The following LMO7 variants were observed in gnomAD, a reference collection of about 807,000 sequenced individuals.
The protein encoded by LMO7 is LIM domain only protein 7.
Under a neutral mutation model 206.5 loss-of-function variants are expected in LMO7, and 120 were observed. The ratio of observed to expected loss-of-function variants is 0.58; its 90% CI spans 0.50 to 0.68. The LOEUF (loss-of-function observed/expected upper bound fraction) is 0.68, where lower values mean the gene tolerates loss of function less well. LMO7 is among the 30% of genes least tolerant of loss of function. The pLI is 0.00. For missense variants in LMO7, 1,959 were observed against 1,957.9 expected (o/e 1.00, Z -0.01); for synonymous variants, 706 against 681.5 (o/e 1.04, Z -0.56).
At position 75,849,177 on chromosome 13, in the gene LMO7, C is replaced by T; in HGVS notation, c.4249C>T (p.Gln1417Ter). The change falls in exon 27 of 31, where the codon CAA (glutamine) becomes TAA (stop). Residue 1417 changes from glutamine to a stop codon, truncating the protein, a stop_gained. Transcript: ENST00000377534. LOFTEE classifies it high-confidence loss of function. Reference protein sequence around the residue: ...VPSGAELERQQILQEMRKRTP... With the variant: ...VPSGAELERQ ...ATCAGGAGCAGAATTGGAGAGGCAA[C>T]AAATCCTTCAGGAAATGAGGAAGAG... is the stretch of plus-strand genomic sequence containing the variant. 2 of 1,613,936 alleles carry T rather than the reference C, an allele frequency of 1.2e-6. No homozygotes were observed. Among genetic ancestry groups the T allele is most frequent in the Non-Finnish European group, 8.5e-7 (1 of 1,179,848 alleles).
At chr13:75,646,387 C>T (rs140837142) in intron 1 of LMO7, among the ~76,000 whole-genome samples, 1,629 of 152,172 alleles carry the variant, frequency 0.011, 28 homozygotes, top group South Asian at 0.074. Context: ...ATTATACATC[C>T]GACTCTGCGC....
intron 1 of LMO7, among the ~76,000 whole-genome samples, chr13:75,662,594 C>G (rs1426177271): frequency 1.3e-5 from 2 of 152,232 alleles, no homozygotes; most frequent in Non-Finnish European, 2.9e-5. Flanking sequence ...GTTGGGATTA[C>G]AGGCGTGAGC....
intron 11 of LMO7, among the ~76,000 whole-genome samples, chr13:75,816,400 G>T (rs1595245990): frequency 6.6e-6 from 1 of 152,306 alleles, no homozygotes; most frequent in Middle Eastern, 3.4e-3. Context: ...TTTCCCCTCT[G>T]GTATAGTTTA....
intron 4 of LMO7, among the ~76,000 whole-genome samples, chr13:75,779,801 A>G (rs1184581746): frequency 6.6e-6 from 1 of 152,178 alleles, no homozygotes; most frequent in East Asian, 1.9e-4. Flanking sequence ...AGACATTATG[A>G]TTTATGTTTT....
At chr13:75,729,237 T>C (rs1365845478) in intron 3 of LMO7, among the ~76,000 whole-genome samples, 16 of 150,538 alleles carry the variant, frequency 1.1e-4, no homozygotes, top group Non-Finnish European at 5.9e-5. Context: ...ATTTTCACGA[T>C]ATTGATTCTT....
chr13:75,760,152 A>G (rs921554308), intron 3 of LMO7, among the ~76,000 whole-genome samples: 3 of 151,990 alleles, frequency 2.0e-5, no homozygotes, highest in Non-Finnish European at 4.4e-5. Flanking sequence ...AAAATAGCAT[A>G]TACTGTAATC....
intron 28 of LMO7, 88 bp downstream of exon 28, chr13:75,853,476 T>A (rs374489777): frequency 7.9e-7 from 1 of 1,272,540 alleles, no homozygotes; most frequent in African/African-American, 1.5e-5. Context: ...AGTTTTCCAA[T>A]GAAGAAGAAA....
intron 1 of LMO7, among the ~76,000 whole-genome samples, chr13:75,658,191 C>T (rs546355469): frequency 1.3e-5 from 2 of 152,018 alleles, no homozygotes; most frequent in Non-Finnish European, 2.9e-5. Context: ...CTCTCTAACT[C>T]GTTTTTCTCC....
intron 3 of LMO7, among the ~76,000 whole-genome samples, chr13:75,754,487 T>C (rs777655835): frequency 6.6e-6 from 1 of 152,220 alleles, no homozygotes; most frequent in Non-Finnish European, 1.5e-5. Context: ...TTTGGGAATC[T>C]TTTTAATTCT....
intron 1 of LMO7, among the ~76,000 whole-genome samples, chr13:75,645,936 G>A (rs1570542): frequency 0.38 from 58,426 of 151,948 alleles, 11,555 homozygotes; most frequent in East Asian, 0.5. Flanking sequence ...TCTTCTCCAC[G>A]CTGATTGCTT....
intron 3 of LMO7, among the ~76,000 whole-genome samples, chr13:75,737,801 A>AT (rs2046037365): frequency 9.6e-6 from 1 of 104,406 alleles, no homozygotes; most frequent in Admixed American, 1.0e-4. Context: ...AAAAAAAAAA[A>AT]CTTTTTACTT....
At chr13:75,806,375 C>T (rs1425284080) in intron 9 of LMO7, 2 of 362,602 alleles carry the variant, frequency 5.5e-6, no homozygotes, top group African/African-American at 2.2e-5. Context: ...GGAAACCTGA[C>T]TCACTTAGTG....
intron 8 of LMO7, chr13:75,805,191 G>A: frequency 8.2e-7 from 1 of 1,226,018 alleles, no homozygotes; most frequent in Non-Finnish European, 1.0e-6. Context: ...CTATTATGCT[G>A]CTGATTTTAA....
chr13:75,684,164 G>A (rs1408259354), intron 1 of LMO7, among the ~76,000 whole-genome samples: 1 of 152,148 alleles, frequency 6.6e-6, no homozygotes, highest in Admixed American at 6.5e-5. Context: ...ATGGTTGGGG[G>A]CGGCCTTAGA....
intron 1 of LMO7, among the ~76,000 whole-genome samples, chr13:75,673,669 A>G (rs1368144359): frequency 6.6e-6 from 1 of 152,152 alleles, no homozygotes; most frequent in Non-Finnish European, 1.5e-5. Context: ...CTAGGTTTTC[A>G]ATTATTTTCT....
chr13:75,814,543 T>C (rs1370195649), intron 11 of LMO7, among the ~76,000 whole-genome samples: 1 of 152,188 alleles, frequency 6.6e-6, no homozygotes, highest in Non-Finnish European at 1.5e-5. Context: ...CTGAATATTA[T>C]CTAGATCATT....
At chr13:75,638,912 G>A (rs953105080) in intron 1 of LMO7, among the ~76,000 whole-genome samples, 1 of 152,066 alleles carries the variant, frequency 6.6e-6, no homozygotes, top group African/African-American at 2.4e-5. Context: ...CTTGCTGATA[G>A]TCTTGCTACA....
intron 3 of LMO7, among the ~76,000 whole-genome samples, chr13:75,731,124 T>A (rs1023920274): frequency 6.6e-6 from 1 of 151,998 alleles, no homozygotes; most frequent in Non-Finnish European, 1.5e-5. Context: ...GGGTGGAGAG[T>A]TCCGTAGATG....
intron 1 of LMO7, among the ~76,000 whole-genome samples, chr13:75,664,626 G>A (rs1424804333): frequency 1.3e-5 from 2 of 152,146 alleles, no homozygotes; most frequent in African/African-American, 4.8e-5. Context: ...CATATTGGTT[G>A]TACTGATTTA....
Sources: allele counts gnomAD v4.1 joint callset (sites outside exome capture counted in the v4.1 genomes callset), GRCh38; gene constraint gnomAD v4.1.1; transcripts MANE v1.5; gene names NCBI Gene and HGNC (gene_info 2026-07-23, HGNC 2026-07-21).